The following NELL1 variants were observed in gnomAD, a reference collection of about 807,000 sequenced individuals.
The protein encoded by NELL1 is protein kinase C-binding protein NELL1.
In NELL1, 76 loss-of-function variants were observed where a neutral mutation model predicts 107.4. The ratio of observed to expected loss-of-function variants is 0.71; its 90% confidence interval spans 0.59 to 0.86. NELL1 has a LOEUF of 0.86. Ranked by LOEUF, NELL1 falls within the 40% of genes least tolerant of loss-of-function variation. The pLI is 0.00. For synonymous variants in NELL1, 353 were observed against 341.2 expected, an observed-to-expected ratio of 1.03 and a Z score of -0.38; for missense variants, 1,024 against 1,005.5, an observed-to-expected ratio of 1.02 and a Z score of -0.25.
intron 15 of NELL1, among the ~76,000 whole-genome samples, chr11:21,435,341 T>C (rs1417007162): frequency 1.3e-5 from 2 of 152,142 alleles, no homozygotes; most frequent in Non-Finnish European, 2.9e-5. Flanking sequence ...ATGGATTGTA[T>C]TGTGTTTGTG....
intron 2 of NELL1, among the ~76,000 whole-genome samples, chr11:20,780,041 GC>G (rs1461661744): frequency 6.6e-6 from 1 of 152,116 alleles, no homozygotes; most frequent in Non-Finnish European, 1.5e-5. Flanking sequence ...ACTTGAAAGG[GC>G]TTCTCTGAGA....
At chr11:21,511,001 G>T (rs1005553271) in intron 15 of NELL1, among the ~76,000 whole-genome samples, 5 of 152,118 alleles carry the variant, frequency 3.3e-5, no homozygotes, top group African/African-American at 1.2e-4. Flanking sequence ...TTTTGGTCAG[G>T]TTCAAACTTC....
chr11:21,240,215 T>G (rs1347377524), intron 14 of NELL1, among the ~76,000 whole-genome samples: 2 of 152,072 alleles, frequency 1.3e-5, no homozygotes, highest in African/African-American at 4.8e-5. Flanking sequence ...GAACTGTTCA[T>G]ATTGTTTGTA....
intron 12 of NELL1, among the ~76,000 whole-genome samples, chr11:21,088,496 C>A (rs980164285): frequency 3.3e-5 from 5 of 152,174 alleles, no homozygotes; most frequent in Non-Finnish European, 7.3e-5. Flanking sequence ...TCTATCACCA[C>A]ATTTGGGCTC....
chr11:21,094,631 A>G (rs114426791), intron 12 of NELL1, among the ~76,000 whole-genome samples: 7 of 152,172 alleles, frequency 4.6e-5, no homozygotes, highest in African/African-American at 9.6e-5. Flanking sequence ...CCAAACCTCA[A>G]TTCTAGCAAG....
At chr11:21,227,229 A>G (rs1447332190) in intron 13 of NELL1, among the ~76,000 whole-genome samples, 1 of 152,152 alleles carries the variant, frequency 6.6e-6, no homozygotes, top group Non-Finnish European at 1.5e-5. Context: ...AGTCTAGCTT[A>G]TCTTTATTCC....
At chr11:21,219,871 T>C (rs1448279800) in intron 13 of NELL1, among the ~76,000 whole-genome samples, 1 of 152,176 alleles carries the variant, frequency 6.6e-6, no homozygotes, top group Non-Finnish European at 1.5e-5. Context: ...TGACTCTCAG[T>C]TCTGCAGGCT....
Position 20,884,314 on chromosome 11 carries a change from G to A in NELL1, c.507-1130G>A, listed in dbSNP as rs1334614773. Reference sequence around the variant, plus strand: ...CGGAGGAATACATCGCCCTCTGGCAGGAGGCAGTCAGCTCCATCACAGCAG... The same window carrying A: ...CGGAGGAATACATCGCCCTCTGGCAAGAGGCAGTCAGCTCCATCACAGCAG... On this transcript the variant is annotated intron_variant, in intron 4 of 19. Transcript: ENST00000357134. 8.5e-5 allele frequency among the ~76,000 whole-genome samples: 13 copies of A among 152,366 alleles called. No homozygotes were observed. The East Asian group carries it at 1.7e-3, about 20-fold the overall frequency.
intron 15 of NELL1, among the ~76,000 whole-genome samples, chr11:21,515,418 C>T (rs1855532916): frequency 1.3e-5 from 2 of 152,162 alleles, no homozygotes; most frequent in African/African-American, 4.8e-5. Flanking sequence ...AACTAATTCT[C>T]TGTGGGGGGC....
intron 4 of NELL1, among the ~76,000 whole-genome samples, chr11:20,861,201 A>T (rs2134073662): frequency 1.3e-5 from 2 of 152,332 alleles, no homozygotes; most frequent in East Asian, 3.9e-4. Context: ...AGTGGTCATT[A>T]TTAGCAGTTT....
chr11:21,531,519 A>C (rs1855988867), intron 15 of NELL1, among the ~76,000 whole-genome samples: 2 of 152,114 alleles, frequency 1.3e-5, no homozygotes, highest in Non-Finnish European at 2.9e-5. Context: ...ATAGTATCTC[A>C]CTCAACAATC....
At chr11:21,545,591 G>A (rs533157172) in intron 16 of NELL1, among the ~76,000 whole-genome samples, 145 of 152,116 alleles carry the variant, frequency 9.5e-4, no homozygotes, top group Middle Eastern at 3.4e-3. Flanking sequence ...CAAGCAACAG[G>A]AGAAGCTTTT....
At chr11:20,979,597 C>G (rs2176315) in intron 12 of NELL1, among the ~76,000 whole-genome samples, 29,957 of 152,148 alleles carry the variant, frequency 0.2, 3,670 homozygotes, top group African/African-American at 0.34. Flanking sequence ...GCGTATTCTG[C>G]CTAATTGGAA....
rs541500565 is a variant in NELL1, at chr11:20,687,165, CCT to C, written c.184+9109_184+9110del. On this transcript the variant is annotated intron_variant, in intron 2 of 19. Transcript: ENST00000357134. ...TATATGAGTTTTGTCTAAAAGAAGG[CCT>C]CTCGTAATTTTAATAATTCTTTTAG... is the stretch of plus-strand genomic sequence containing the variant. Among the ~76,000 whole-genome samples, 362 of 150,612 alleles carry C rather than the reference CCT, an allele frequency of 2.4e-3. 2 individuals carry two copies. Among genetic ancestry groups the C allele is most frequent in the African/African-American group, 8.3e-3 (341 of 41,018 alleles).
intron 12 of NELL1, among the ~76,000 whole-genome samples, chr11:21,065,485 G>T (rs59977047): frequency 6.6e-6 from 1 of 152,056 alleles, no homozygotes; most frequent in Admixed American, 6.6e-5. Context: ...GATGTCTATA[G>T]AATTATTAAG....
intron 12 of NELL1, among the ~76,000 whole-genome samples, chr11:21,086,504 T>G (rs1279085004): frequency 6.6e-6 from 1 of 152,124 alleles, no homozygotes; most frequent in Non-Finnish European, 1.5e-5. Flanking sequence ...TTGGGCTGAG[T>G]CTGATACCGG....
intron 12 of NELL1, among the ~76,000 whole-genome samples, chr11:21,032,197 G>A (rs1405016510): frequency 6.6e-6 from 1 of 151,906 alleles, no homozygotes; most frequent in African/African-American, 2.4e-5. Flanking sequence ...CGGCTCCAGT[G>A]CATTGCCCCT....
chr11:20,959,737 T>C, intron 11 of NELL1, among the ~76,000 whole-genome samples: 1 of 152,160 alleles, frequency 6.6e-6, no homozygotes, highest in South Asian at 2.1e-4. Flanking sequence ...GGGTGATATG[T>C]GCACCAAAAT....
chr11:21,411,721 G>A (rs546077670), intron 15 of NELL1, among the ~76,000 whole-genome samples: 4 of 152,000 alleles, frequency 2.6e-5, no homozygotes, highest in East Asian at 1.9e-4. Context: ...TTAAAAAGAC[G>A]AGATTCAATG....
Sources: allele counts gnomAD v4.1 joint callset (sites outside exome capture counted in the v4.1 genomes callset), GRCh38; gene constraint gnomAD v4.1.1; transcripts MANE v1.5; gene names NCBI Gene and HGNC (gene_info 2026-07-23, HGNC 2026-07-21).